The following PLEKHG4B variants were observed in gnomAD, a reference collection of about 807,000 sequenced individuals.
PLEKHG4B encodes the protein pleckstrin homology and RhoGEF domain containing G4B.
A neutral mutation model predicts 121.3 loss-of-function variants in PLEKHG4B; 111 were observed. The ratio of observed to expected loss-of-function variants is 0.92; its 90% CI spans 0.78 to 1.07. PLEKHG4B has a LOEUF of 1.07. Ranked by LOEUF, PLEKHG4B falls within the 50% of genes least tolerant of loss-of-function variation. The pLI, the probability that PLEKHG4B is intolerant of heterozygous loss-of-function variation, is 0.00. For missense variants in PLEKHG4B, 1,831 were observed against 1,757.8 expected (o/e 1.04, Z -0.74); for synonymous variants, 738 against 725.0 (o/e 1.02, Z -0.29).
intron 1 of PLEKHG4B, among the ~76,000 whole-genome samples, chr5:93,843 C>T (rs1733546537): frequency 6.6e-6 from 1 of 152,148 alleles, no homozygotes; most frequent in Admixed American, 6.5e-5. Context: ...CCCCAAGGCT[C>T]CCTGAGACCT....
chr5:164,388 A>G (rs983616520), intron 13 of PLEKHG4B, among the ~76,000 whole-genome samples: 2 of 152,166 alleles, frequency 1.3e-5, no homozygotes, highest in Non-Finnish European at 2.9e-5. Context: ...CAGGAGGCGG[A>G]GCTCACACAG....
chr5:163,096 A>G lies in PLEKHG4B; in HGVS notation c.3024A>G (p.Pro1008=), dbSNP rs902066694. ...GTGGTGCCTGGGAACCTGCGCAACC[A>G]CTGTCCGGCCTCCCTGGACGAGCGC... The part of the protein sequence containing the change: ...SGGGAWEPAQ[P]LSGLPGRALL... The change falls in exon 13 of 20, where the codon CCA becomes CCG. Residue 1008 remains proline (P), a synonymous_variant. Coordinates refer to ENST00000637938, the MANE Select transcript of PLEKHG4B (RefSeq NM_052909.5). The G allele has an allele frequency of 1.8e-5, 28 of 1,563,742 alleles. No individual in the cohort carries two copies. The African/African-American group carries it at 3.8e-4, about 21-fold the overall frequency.
In PLEKHG4B at chr5:182,153, T is replaced by TCCAGC. The variant is rs1171983177; in HGVS notation, c.4723_4727dup (p.His1576GlnfsTer31). ...GGGGTCGCTGGGCCTGCTTGTGTCCTCCAGCCCAGCCCACCCGGGCCTATG... is the reference window on the plus strand; with the variant it reads ...GGGGTCGCTGGGCCTGCTTGTGTCCTCCAGCCCAGCCCAGCCCACCCGGGCCTATG... On this transcript the variant is annotated frameshift_variant, in exon 20 of 20. Transcript: ENST00000637938. LOFTEE classifies it low-confidence loss of function (END_TRUNC). The TCCAGC allele has an allele frequency of 2.5e-6, 4 of 1,613,976 alleles. No individual in the cohort carries two copies. The South Asian group carries it at 4.4e-5, about 18-fold the overall frequency.
intron 18 of PLEKHG4B, among the ~76,000 whole-genome samples, chr5:177,702 C>G (rs990249935): frequency 1.3e-5 from 2 of 152,234 alleles, no homozygotes; most frequent in Non-Finnish European, 2.9e-5. Flanking sequence ...GAGACCCAAG[C>G]GGGCACCGAG....
In PLEKHG4B at chr5:179,489, T is replaced by C. The variant is rs968906266; in HGVS notation, c.4403-2025T>C. 4 of 152,802 alleles carry C rather than the reference T, an allele frequency of 2.6e-5. No homozygotes were observed. In the East Asian group the frequency reaches 7.7e-4, roughly 30 times the overall value. The allele number at this position is 152,802 out of a possible 1,614,324, so 9.5% of individuals were successfully genotyped here. ...CTGGGTGTTTTTCTGCCAACTCCTG[T>C]CCCTCATTGTTGAGGCTCCTCCTGG... On this transcript the variant is annotated intron_variant, in intron 18 of 19. Transcript: ENST00000637938.
chr5:100,184 T>C (rs936894939), intron 1 of PLEKHG4B, among the ~76,000 whole-genome samples: 1 of 152,148 alleles, frequency 6.6e-6, no homozygotes, highest in Admixed American at 6.5e-5. Context: ...CTCATTACGT[T>C]ATATGAAAAT....
chr5:177,757 G>A (rs1383418609), intron 18 of PLEKHG4B, among the ~76,000 whole-genome samples: 1 of 152,216 alleles, frequency 6.6e-6, no homozygotes, highest in East Asian at 1.9e-4. Flanking sequence ...TTCTGGGCCA[G>A]CCCCTTTCCC....
intron 13 of PLEKHG4B, among the ~76,000 whole-genome samples, chr5:166,937 A>G (rs1736373092): frequency 6.6e-6 from 1 of 152,176 alleles, no homozygotes; most frequent in Admixed American, 6.5e-5. Context: ...CCGAATCCGT[A>G]AGAGGAACGC....
chr5:136,711 G>A (rs1734994456), intron 2 of PLEKHG4B, among the ~76,000 whole-genome samples: 1 of 152,144 alleles, frequency 6.6e-6, no homozygotes, highest in Non-Finnish European at 1.5e-5. Flanking sequence ...AACACCACTG[G>A]GAAACAAGTG....
At chr5:147,934 C>A (rs933229496) in intron 6 of PLEKHG4B, among the ~76,000 whole-genome samples, 37 of 151,992 alleles carry the variant, frequency 2.4e-4, no homozygotes, top group Admixed American at 1.6e-3. Context: ...GATGGTTCGA[C>A]ACATGAAAAC....
chr5:95,870 G>C (rs1160184320), intron 1 of PLEKHG4B, among the ~76,000 whole-genome samples: 1 of 152,150 alleles, frequency 6.6e-6, no homozygotes, highest in Non-Finnish European at 1.5e-5. Flanking sequence ...GTGTCCATTG[G>C]AGGAGACCAC....
At position 143,407 on chromosome 5, in the gene PLEKHG4B, T is replaced by C. The variant is rs1735298082; in HGVS notation, c.1715T>C (p.Val572Ala). 1 of 1,612,692 alleles carries C rather than the reference T, an allele frequency of 6.2e-7. No homozygotes were observed. The highest frequency in any genetic ancestry group is 1.3e-5 in the African/African-American group (1 of 74,916). The change falls in exon 5 of 20, where the codon GTG (valine) becomes GCG (alanine). Residue 572 changes from valine (V) to alanine (A), a missense_variant. Transcript: ENST00000637938. ...PGTRDRHGRAVVQVRTRSLLW... is the reference protein window; with the variant it reads ...PGTRDRHGRAAVQVRTRSLLW... ...ACCCGAGACCGTCATGGCAGAGCAGTGGTGCAGGTCCGCACCAGGAGCCTG... is the reference window on the plus strand; with the variant it reads ...ACCCGAGACCGTCATGGCAGAGCAGCGGTGCAGGTCCGCACCAGGAGCCTG...
chr5:162,304 C>T (rs545418454), intron 12 of PLEKHG4B, among the ~76,000 whole-genome samples: 30 of 148,292 alleles, frequency 2.0e-4, no homozygotes, highest in East Asian at 4.1e-4. Context: ...CGAGCTCCCC[C>T]GCGCCGGGGA....
intron 14 of PLEKHG4B, 81 bp downstream of exon 14, chr5:169,673 C>A: frequency 6.4e-7 from 1 of 1,557,650 alleles, no homozygotes; most frequent in South Asian, 1.2e-5. Flanking sequence ...ACAGGGCCCA[C>A]GTGTCAGGCG....
intron 3 of PLEKHG4B, among the ~76,000 whole-genome samples, chr5:141,577 C>T (rs1005149696): frequency 2.6e-5 from 4 of 151,756 alleles, no homozygotes; most frequent in African/African-American, 4.8e-5. Context: ...CATCCAGATC[C>T]GTAGACTCAG....
At chr5:150,609 TG>T (rs1460871974) in intron 6 of PLEKHG4B, among the ~76,000 whole-genome samples, 1 of 152,032 alleles carries the variant, frequency 6.6e-6, no homozygotes, top group Non-Finnish European at 1.5e-5. Context: ...CAATAAAATA[TG>T]GGAAAGGATT....
chr5:181,906 GC>G, intron 19 of PLEKHG4B, 97 bp from the exon 20 acceptor site: 1 of 1,411,822 alleles, frequency 7.1e-7, no homozygotes. Flanking sequence ...CAGTGGCAAA[GC>G]CTGGTCGGCC....
At chr5:123,958 C>T (rs1366585295) in intron 2 of PLEKHG4B, among the ~76,000 whole-genome samples, 1 of 151,456 alleles carries the variant, frequency 6.6e-6, no homozygotes, top group East Asian at 1.9e-4. Flanking sequence ...TGTTGATTTG[C>T]GATCTTTACT....
Position 171,454 on chromosome 5 carries a change from T to C in PLEKHG4B, c.4050+10T>C, listed in dbSNP as rs4956981. On this transcript the variant is annotated intron_variant, in intron 16 of 19. Coordinates refer to ENST00000637938, the MANE Select transcript of PLEKHG4B (RefSeq NM_052909.5). Reference sequence around the variant, plus strand: ...CATCCGCGGCTGTGACGTAAGTGCCTCAGACGCTGGCAGCTCAGGCAAGCT... The same window carrying C: ...CATCCGCGGCTGTGACGTAAGTGCCCCAGACGCTGGCAGCTCAGGCAAGCT... 0.69 allele frequency: 1,081,919 copies of C among 1,574,242 alleles called. 377,881 individuals carry two copies. The highest frequency in any genetic ancestry group is 0.72 in the Non-Finnish European group (838,399 of 1,161,826).
Sources: gnomAD v4.1 joint callset for allele counts (sites outside exome capture counted in the v4.1 genomes callset) on GRCh38, gnomAD v4.1.1 for gene constraint, MANE v1.5 for transcripts, NCBI Gene and HGNC (gene_info 2026-07-23, HGNC 2026-07-21) for gene names.